KIF21B: variants seen among roughly 807,000 people sequenced by gnomAD.
The protein encoded by KIF21B is kinesin family member 21B.
Under a neutral mutation model 192.9 loss-of-function variants are expected in KIF21B, and 85 were observed. The ratio of observed to expected loss-of-function variants is 0.44; its 90% CI spans 0.37 to 0.53. KIF21B has a LOEUF of 0.53. Among genes scored for constraint, KIF21B ranks in the 20% least tolerant of loss-of-function variants. KIF21B has a pLI of 0.00. For synonymous variants in KIF21B, 832 were observed against 884.6 expected (o/e 0.94, Z 1.05); for missense variants, 1,716 against 2,194.8 (o/e 0.78, Z 4.36).
At chr1:201,004,648 A>G (rs996972254) in intron 6 of KIF21B, 118 bp downstream of exon 6, 1 of 1,337,050 alleles carries the variant, frequency 7.5e-7, no homozygotes, top group African/African-American at 1.4e-5. Context: ...CCTGAGAGTG[A>G]AGGGCTAATT....
chr1:201,020,522 C>G (rs1658757824), intron 1 of KIF21B, among the ~76,000 whole-genome samples: 2 of 152,124 alleles, frequency 1.3e-5, no homozygotes, highest in Non-Finnish European at 2.9e-5. Context: ...TCCCTTGGTG[C>G]AAAGCCGACT....
chr1:201,010,928 G>C (rs1229781203), intron 1 of KIF21B, among the ~76,000 whole-genome samples: 1 of 152,244 alleles, frequency 6.6e-6, no homozygotes, highest in Admixed American at 6.5e-5. Flanking sequence ...GGAGGGGTTG[G>C]GGGTGAGCAA....
chr1:200,978,378 T>A (rs534655773), intron 30 of KIF21B, among the ~76,000 whole-genome samples: 1 of 150,016 alleles, frequency 6.7e-6, no homozygotes, highest in South Asian at 2.1e-4. Flanking sequence ...AAGACTTTAT[T>A]TTTTTTTTTA....
chr1:200,989,682 G>A (rs1232041938), intron 21 of KIF21B, among the ~76,000 whole-genome samples: 2 of 152,344 alleles, frequency 1.3e-5, no homozygotes, highest in East Asian at 3.9e-4. Flanking sequence ...CTTTAACAGA[G>A]GCCCTGTTGT....
At chr1:201,006,900 A>C (rs1286013439) in intron 3 of KIF21B, among the ~76,000 whole-genome samples, 1 of 151,022 alleles carries the variant, frequency 6.6e-6, no homozygotes. Context: ...AGACACACAC[A>C]CACAGAGACA....
chr1:201,004,945 G>A lies in KIF21B; in HGVS notation c.733-12C>T, dbSNP rs763573134. 1 of 1,601,266 alleles carries A rather than the reference G, an allele frequency of 6.2e-7. No individual in the cohort carries two copies. Among genetic ancestry groups the A allele is most frequent in the South Asian group, 1.1e-5 (1 of 90,100 alleles). On this transcript the variant is annotated splice_polypyrimidine_tract_variant and intron_variant, in intron 5 of 34. Coordinates refer to ENST00000461742, the MANE Select transcript of KIF21B (RefSeq NM_001252102.2). Reference sequence around the variant, plus strand: ...ACCGCCTCATTCACCTGCAGCAGAAGTCAGCTCTGACTCACCCAGCCCTCG... The same window carrying A: ...ACCGCCTCATTCACCTGCAGCAGAAATCAGCTCTGACTCACCCAGCCCTCG...
At chr1:201,018,017 C>G (rs1346808896) in intron 1 of KIF21B, among the ~76,000 whole-genome samples, 2 of 152,162 alleles carry the variant, frequency 1.3e-5, no homozygotes, top group Non-Finnish European at 2.9e-5. Flanking sequence ...TCCCTCATGG[C>G]AGGGAAGCAA....
chr1:200,981,472 C>T (rs952229611), intron 28 of KIF21B, among the ~76,000 whole-genome samples: 6 of 151,394 alleles, frequency 4.0e-5, no homozygotes, highest in African/African-American at 1.2e-4. Context: ...GGGCAGAGGC[C>T]CAGGGGCTGG....
Position 200,990,829 on chromosome 1 carries a change from C to T in KIF21B, c.2687+88G>A. On this transcript the variant is annotated intron_variant, in intron 18 of 34. Coordinates refer to ENST00000461742, the MANE Select transcript of KIF21B (RefSeq NM_001252102.2). The surrounding 1 kb of genome is among the most constrained non-coding windows in gnomAD (Gnocchi z 5.4). ...AGCCACGGGGACCCGGAGCACTCCC[C>T]AGAGCTTCCCTCTTCCTCACCCTGG... The T allele has an allele frequency of 5.0e-6, 8 of 1,596,348 alleles. No individual in the cohort carries two copies. Among genetic ancestry groups the T allele is most frequent in the Non-Finnish European group, 6.9e-6 (8 of 1,167,124 alleles).
In KIF21B at chr1:201,013,018, A is replaced by G. The variant is rs373642946; in HGVS notation, c.42-3530T>C. On this transcript the variant is annotated intron_variant, in intron 1 of 34. Coordinates refer to ENST00000461742, the MANE Select transcript of KIF21B (RefSeq NM_001252102.2). Reference sequence around the variant, plus strand: ...ATCAGAGCCATGGGGGCTCTCTAGAAGGAGTCCTGCATGTCTGTTCACATA... The same window carrying G: ...ATCAGAGCCATGGGGGCTCTCTAGAGGGAGTCCTGCATGTCTGTTCACATA... Among the ~76,000 whole-genome samples, 119 of 152,318 alleles carry G rather than the reference A, an allele frequency of 7.8e-4. 1 individual carries two copies. Among genetic ancestry groups the G allele is most frequent in the African/African-American group, 2.5e-3 (103 of 41,576 alleles).
At chr1:200,995,812 T>C (rs917664812) in intron 15 of KIF21B, among the ~76,000 whole-genome samples, 1 of 152,216 alleles carries the variant, frequency 6.6e-6, no homozygotes, top group Non-Finnish European at 1.5e-5. Context: ...ACTGTTACTA[T>C]TATCACTCAG....
intron 3 of KIF21B, among the ~76,000 whole-genome samples, chr1:201,007,634 GCA>G (rs142138159): frequency 0.16 from 13,452 of 82,522 alleles, 781 homozygotes; most frequent in Non-Finnish European, 0.2. Flanking sequence ...ACACAGACAG[GCA>G]CACACACACA....
rs1462808444 is a variant in KIF21B, at chr1:200,970,536, C to T, written c.*2985G>A. The T allele has an allele frequency of 6.6e-6, 1 of 152,460 alleles. No homozygotes were observed. Among genetic ancestry groups the T allele is most frequent in the Admixed American group, 6.5e-5 (1 of 15,288 alleles). 9.4% of individuals were successfully genotyped at this position (152,460 alleles called of 1,614,324 possible). A position where few individuals can be genotyped will look rare whatever the true frequency, so the allele number is the denominator to read the frequency against. The stretch of plus-strand genomic sequence containing the variant: ...CTGCCTTTGAGAGTTCTGGCTGCTT[C>T]AGAAGAGTCCGCCACTCACGTGAAA... On this transcript the variant is annotated 3_prime_UTR_variant, in exon 35 of 35. Transcript: ENST00000461742.
At position 200,977,256 on chromosome 1, in the gene KIF21B, C is replaced by T; in HGVS notation, c.4281G>A (p.Leu1427=). ...GGACGGCATTGCCCGAGGCGGCGTA[C>T]AGCATGGTGCCCGAAGGGCTGAGGG... The part of the protein sequence containing the change: ...QIALSPSGTM[L]YAASGNAVRI... Residue 1427 remains leucine, a synonymous_variant, in exon 31 of 35, where the codon CTG becomes CTA. Transcript: ENST00000461742. 1.2e-6 allele frequency: 2 copies of T among 1,614,110 alleles called. No homozygotes were observed. Among genetic ancestry groups the T allele is most frequent in the African/African-American group, 1.3e-5 (1 of 75,076 alleles).
At chr1:200,976,935 G>C (rs763795939) in intron 31 of KIF21B, 42 bp from the exon 32 acceptor site, 3 of 1,471,126 alleles carry the variant, frequency 2.0e-6, no homozygotes, top group Non-Finnish European at 2.8e-6. Flanking sequence ...GTGAATTAGA[G>C]GGGACCCTGG....
chr1:201,016,903 G>A (rs1479299730), intron 1 of KIF21B, among the ~76,000 whole-genome samples: 1 of 152,188 alleles, frequency 6.6e-6, no homozygotes, highest in East Asian at 1.9e-4. Context: ...GGTGCAAGCA[G>A]TCTGTCAATT....
Position 200,996,345 on chromosome 1 carries a change from A to C in KIF21B, c.2128T>G (p.Tyr710Asp). 6.2e-7 allele frequency: 1 copy of C among 1,614,080 alleles called. No homozygotes were observed. The highest frequency in any genetic ancestry group is 8.5e-7 in the Non-Finnish European group (1 of 1,180,014). ...EEKANKIKAD[Y>D]EKRLREMNRD... ...TTCATCTCCCGCAGCCTCTTCTCAT[A>C]GTCTGCCTTGATCTTGTTGGCCTTC... Residue 710 changes from tyrosine to aspartate, a missense_variant, in exon 15 of 35, where the codon TAT (tyrosine) becomes GAT (aspartate). Physicochemically the swap from Tyr to Asp is radical, Grantham distance 160. Transcript: ENST00000461742.
chr1:200,985,946 T>C (rs1032454570), intron 26 of KIF21B, among the ~76,000 whole-genome samples: 2 of 150,030 alleles, frequency 1.3e-5, no homozygotes, highest in East Asian at 4.0e-4. Flanking sequence ...CCCAGGTTCA[T>C]GCAATTCTCC....
chr1:200,993,061 T>C (rs1439859302), intron 15 of KIF21B, among the ~76,000 whole-genome samples: 1 of 152,186 alleles, frequency 6.6e-6, no homozygotes, highest in Non-Finnish European at 1.5e-5. Context: ...GATGGCTCCG[T>C]GGTAGGTCAG....
Sources: allele counts gnomAD v4.1 joint callset (sites outside exome capture counted in the v4.1 genomes callset), GRCh38; gene constraint gnomAD v4.1.1; non-coding constraint Gnocchi (gnomAD v3.1); transcripts MANE v1.5; gene names NCBI Gene and HGNC (gene_info 2026-07-23, HGNC 2026-07-21).